PRKCE: variants seen among roughly 807,000 people sequenced by gnomAD.
PRKCE encodes the protein protein kinase C epsilon type.
Under a neutral mutation model 85.4 loss-of-function variants are expected in PRKCE, and 16 were observed. That is an observed-to-expected ratio of 0.19 (90% confidence interval 0.13 to 0.28). The LOEUF (loss-of-function observed/expected upper bound fraction) is 0.28. PRKCE is among the 10% of genes least tolerant of loss of function. The pLI, the probability that PRKCE is intolerant of heterozygous loss-of-function variation, is 1.00. For missense variants in PRKCE, 573 were observed against 975.2 expected (o/e 0.59, Z 5.49); for synonymous variants, 388 against 371.5 (o/e 1.04, Z -0.51).
chr2:45,798,278 A>G (rs143156465), intron 1 of PRKCE, among the ~76,000 whole-genome samples: 1 of 152,386 alleles, frequency 6.6e-6, no homozygotes, highest in Non-Finnish European at 1.5e-5. Flanking sequence ...TGTGGAGCAT[A>G]TAAGCTAGGT....
chr2:45,968,360 G>A (rs1335613896), intron 2 of PRKCE, among the ~76,000 whole-genome samples: 5 of 152,158 alleles, frequency 3.3e-5, no homozygotes, highest in African/African-American at 1.2e-4. Context: ...ATTATTCTAA[G>A]TGAAGTAACT....
chr2:45,698,461 T>C (rs918853396), intron 1 of PRKCE, among the ~76,000 whole-genome samples: 5 of 151,928 alleles, frequency 3.3e-5, no homozygotes, highest in Non-Finnish European at 7.4e-5. Flanking sequence ...TATAAGAGGC[T>C]CGATTTTGCC....
intron 2 of PRKCE, among the ~76,000 whole-genome samples, chr2:45,918,094 G>C (rs1558832519): frequency 6.6e-6 from 1 of 152,258 alleles, no homozygotes; most frequent in African/African-American, 2.4e-5. Flanking sequence ...GCCGGCTCCG[G>C]CCTTGGCCAG....
At chr2:46,011,374 G>A (rs1202121540) in intron 10 of PRKCE, among the ~76,000 whole-genome samples, 1 of 152,298 alleles carries the variant, frequency 6.6e-6, no homozygotes, top group East Asian at 1.9e-4. Flanking sequence ...TTGAATGCCA[G>A]TTTTTCCACT....
chr2:46,116,850 T>A (rs886427865), intron 11 of PRKCE, among the ~76,000 whole-genome samples: 1 of 152,092 alleles, frequency 6.6e-6, no homozygotes, highest in Admixed American at 6.6e-5. Flanking sequence ...GAGAGTGTAC[T>A]GCAGCGGTTA....
intron 2 of PRKCE, among the ~76,000 whole-genome samples, chr2:45,923,959 G>A (rs1262282221): frequency 6.6e-6 from 1 of 152,188 alleles, no homozygotes; most frequent in African/African-American, 2.4e-5. Flanking sequence ...GTTATTGGAA[G>A]TTTTGAGGAG....
chr2:45,974,002 T>C (rs960391006), intron 2 of PRKCE, among the ~76,000 whole-genome samples: 1 of 152,116 alleles, frequency 6.6e-6, no homozygotes, highest in African/African-American at 2.4e-5. Context: ...GTGAAAGGAG[T>C]TAAGGGTGCT....
chr2:46,080,591 T>C (rs948253660), intron 10 of PRKCE, among the ~76,000 whole-genome samples: 17 of 152,212 alleles, frequency 1.1e-4, no homozygotes, highest in Admixed American at 4.6e-4. Context: ...GGCTCAGTTC[T>C]AGTTGCTGGA....
intron 1 of PRKCE, among the ~76,000 whole-genome samples, chr2:45,657,159 T>G (rs1675417003): frequency 6.6e-6 from 1 of 152,220 alleles, no homozygotes; most frequent in Admixed American, 6.5e-5. Context: ...GCCCTGCCTC[T>G]GAAGACATCT....
Position 46,185,220 on chromosome 2 carries a change from C to A in PRKCE, c.*339C>A. 4.3e-6 allele frequency: 1 copy of A among 232,792 alleles called. No homozygotes were observed. Among genetic ancestry groups the A allele is most frequent in the African/African-American group, 2.3e-5 (1 of 43,876 alleles). The allele number at this position is 232,792 out of a possible 1,614,324, so 14.4% of individuals were successfully genotyped here. ...ACTTCAGTTCTTTTACTGCAAAGAA[C>A]AGAAAAAAGAAAGAAAGCAAACAAG... On this transcript the variant is annotated 3_prime_UTR_variant, in exon 15 of 15. Transcript: ENST00000306156. The surrounding 1 kb of genome is among the most constrained non-coding windows in gnomAD (Gnocchi z 4.7).
intron 3 of PRKCE, chr2:45,978,627 A>G (rs769386516): frequency 2.7e-5 from 6 of 223,530 alleles, no homozygotes; most frequent in Non-Finnish European, 4.4e-5. Flanking sequence ...TGTCCATTCT[A>G]TCCACAAGGA....
chr2:45,967,983 A>C (rs11125044), intron 2 of PRKCE, among the ~76,000 whole-genome samples: 101,866 of 152,060 alleles, frequency 0.67, 34,419 homozygotes, highest in East Asian at 0.84. Flanking sequence ...CTGCCTGGGG[A>C]AAGATCCCTG....
chr2:45,862,111 T>G (rs576792662), intron 2 of PRKCE, among the ~76,000 whole-genome samples: 5 of 151,944 alleles, frequency 3.3e-5, no homozygotes, highest in Non-Finnish European at 7.3e-5. Context: ...TATATGTATG[T>G]AAAACAATAA....
At position 46,045,823 on chromosome 2, in the gene PRKCE, A is replaced by C. The variant is rs529099640; in HGVS notation, c.1437+35306A>C. 3.3e-5 allele frequency among the ~76,000 whole-genome samples: 5 copies of C among 152,152 alleles called. No homozygotes were observed. In the East Asian group the frequency reaches 9.6e-4, roughly 29 times the overall value. Reference sequence around the variant, plus strand: ...CAGCCTGGGAGGCAGTTGTTGTTGCAGTGAGCCGAGATCATACCACTGCAC... The same window carrying C: ...CAGCCTGGGAGGCAGTTGTTGTTGCCGTGAGCCGAGATCATACCACTGCAC... On this transcript the variant is annotated intron_variant, in intron 10 of 14. Transcript: ENST00000306156.
chr2:45,693,716 G>A (rs2104105468), intron 1 of PRKCE, among the ~76,000 whole-genome samples: 1 of 152,286 alleles, frequency 6.6e-6, no homozygotes, highest in South Asian at 2.1e-4. Context: ...TTAAGGAGAG[G>A]TAGAATAAGG....
intron 2 of PRKCE, among the ~76,000 whole-genome samples, chr2:45,955,807 AC>A (rs1275741102): frequency 1.3e-5 from 2 of 151,568 alleles, no homozygotes; most frequent in Non-Finnish European, 2.9e-5. Flanking sequence ...TAAAAAAAAA[AC>A]AAAGTGTCAT....
chr2:45,830,442 T>C (rs1306345829), intron 1 of PRKCE, among the ~76,000 whole-genome samples: 1 of 152,020 alleles, frequency 6.6e-6, no homozygotes, highest in Admixed American at 6.5e-5. Context: ...GTCAAGGAAA[T>C]CTCCTAGACT....
chr2:45,909,419 C>G (rs1292296666), intron 2 of PRKCE, among the ~76,000 whole-genome samples: 1 of 152,164 alleles, frequency 6.6e-6, no homozygotes. Flanking sequence ...TCTCCCCCAT[C>G]CCAAACATTA....
At chr2:45,995,178 T>A (rs1186435168) in intron 6 of PRKCE, among the ~76,000 whole-genome samples, 1 of 152,198 alleles carries the variant, frequency 6.6e-6, no homozygotes, top group Admixed American at 6.5e-5. Flanking sequence ...TATTGGATAA[T>A]ATAGGCATAT....
Sources: gnomAD v4.1 joint callset for allele counts (sites outside exome capture counted in the v4.1 genomes callset) on GRCh38, gnomAD v4.1.1 for gene constraint, Gnocchi (gnomAD v3.1) non-coding constraint, MANE v1.5 for transcripts, NCBI Gene and HGNC (gene_info 2026-07-23, HGNC 2026-07-21) for gene names.